PLEKHG1: variants seen among roughly 807,000 people sequenced by gnomAD.
The protein encoded by PLEKHG1 is pleckstrin homology domain-containing family G member 1.
In PLEKHG1, 44 loss-of-function variants were observed where a neutral mutation model predicts 100.8. The observed-to-expected ratio is 0.44, with a 90% CI of 0.34 to 0.56. The LOEUF is 0.56. Ranked by LOEUF, PLEKHG1 falls within the 20% of genes least tolerant of loss-of-function variation. The probability of loss-of-function intolerance (pLI) is 0.01; values close to 1 mark genes in which losing one functional copy is unlikely to be tolerated. For synonymous variants in PLEKHG1, 640 were observed against 662.5 expected (o/e 0.97, Z 0.52); for missense variants, 1,545 against 1,720.9 (o/e 0.90, Z 1.81).
At chr6:150,715,851 G>A (rs1452936438) in intron 3 of PLEKHG1, among the ~76,000 whole-genome samples, 2 of 148,244 alleles carry the variant, frequency 1.3e-5, no homozygotes, top group Non-Finnish European at 1.5e-5. Context: ...GCTCACGCCT[G>A]TAATCCCAGC....
exon 16 of PLEKHG1, chr6:150,843,325 G>T (rs953355296): frequency 2.8e-4 from 42 of 151,996 alleles, no homozygotes; most frequent in Admixed American, 8.5e-4. Context: ...CATTTCTGTT[G>T]GCCAGGACAC....
At chr6:150,761,194 C>T (rs1784143785) in intron 2 of PLEKHG1, among the ~76,000 whole-genome samples, 1 of 150,470 alleles carries the variant, frequency 6.6e-6, no homozygotes, top group African/African-American at 2.5e-5. Flanking sequence ...CAACCTCCAC[C>T]TCCTGGGTTC....
chr6:150,798,950 A>G (rs1314110089), intron 5 of PLEKHG1, among the ~76,000 whole-genome samples: 1 of 152,140 alleles, frequency 6.6e-6, no homozygotes. Context: ...CATGTTGGCC[A>G]GGCTGGTCTC....
At chr6:150,728,954 C>T (rs1782099865) in intron 1 of PLEKHG1, among the ~76,000 whole-genome samples, 1 of 152,106 alleles carries the variant, frequency 6.6e-6, no homozygotes. Flanking sequence ...AGATATTTAA[C>T]CTAATCCAAA....
chr6:150,799,162 G>T (rs1786545172), intron 5 of PLEKHG1, among the ~76,000 whole-genome samples: 1 of 152,082 alleles, frequency 6.6e-6, no homozygotes, highest in South Asian at 2.1e-4. Flanking sequence ...CAATTGTGTG[G>T]TTTTCATATT....
chr6:150,806,976 CA>C (rs1787154860), intron 7 of PLEKHG1, among the ~76,000 whole-genome samples: 1 of 152,088 alleles, frequency 6.6e-6, no homozygotes, highest in African/African-American at 2.4e-5. Context: ...CCCCTTTGTC[CA>C]GTGTATCCAC....
At chr6:150,713,695 C>A (rs1211361482) in intron 3 of PLEKHG1, among the ~76,000 whole-genome samples, 2 of 152,140 alleles carry the variant, frequency 1.3e-5, no homozygotes, top group Non-Finnish European at 2.9e-5. Context: ...AGCTACACTC[C>A]CTCCTCTGCT....
chr6:150,618,727 C>T (rs1232650924), intron 1 of PLEKHG1, among the ~76,000 whole-genome samples: 1 of 152,048 alleles, frequency 6.6e-6, no homozygotes, highest in African/African-American at 2.4e-5. Context: ...ACCTGGCTTA[C>T]AAAATTTCTG....
chr6:150,659,198 C>T (rs767066609), intron 3 of PLEKHG1, among the ~76,000 whole-genome samples: 1 of 152,164 alleles, frequency 6.6e-6, no homozygotes, highest in African/African-American at 2.4e-5. Flanking sequence ...GTCCACCAGG[C>T]TGGTCTACTC....
chr6:150,734,087 G>A (rs778138794), exon 2 of PLEKHG1: 12 of 1,607,556 alleles, frequency 7.5e-6, no homozygotes, highest in South Asian at 2.2e-5. Context: ...AAAAAGCATC[G>A]TAGAGGTAAG....
chr6:150,721,299 C>T (rs1176034954), intron 1 of PLEKHG1: 7 of 336,308 alleles, frequency 2.1e-5, no homozygotes, highest in East Asian at 1.7e-4. Flanking sequence ...GAGAAGGGGT[C>T]GCAGGGGGGG....
chr6:150,765,974 G>T (rs1464652562), intron 2 of PLEKHG1, among the ~76,000 whole-genome samples: 3 of 152,136 alleles, frequency 2.0e-5, no homozygotes, highest in Non-Finnish European at 4.4e-5. Context: ...GATCTACTTG[G>T]ATATCTACTT....
At chr6:150,814,181 T>G (rs1787721661) in intron 10 of PLEKHG1, among the ~76,000 whole-genome samples, 1 of 152,214 alleles carries the variant, frequency 6.6e-6, no homozygotes, top group Non-Finnish European at 1.5e-5. Flanking sequence ...TTAGTCATTT[T>G]GTTGCTGGCC....
chr6:150,709,784 CGTTT>C (rs774105763), intron 3 of PLEKHG1, among the ~76,000 whole-genome samples: 4 of 151,904 alleles, frequency 2.6e-5, no homozygotes, highest in African/African-American at 4.8e-5. Context: ...ATGGTGTTTT[CGTTT>C]GTTTGTTTGT....
At chr6:150,780,787 G>C (rs1785265009) in intron 3 of PLEKHG1, among the ~76,000 whole-genome samples, 1 of 152,150 alleles carries the variant, frequency 6.6e-6, no homozygotes, top group African/African-American at 2.4e-5. Flanking sequence ...GTTGGCCGAA[G>C]ATTCATTTGA....
chr6:150,628,347 A>G (rs1777584309), intron 1 of PLEKHG1, among the ~76,000 whole-genome samples: 1 of 152,142 alleles, frequency 6.6e-6, no homozygotes, highest in Non-Finnish European at 1.5e-5. Context: ...TTTTCTTGGT[A>G]TAAATTTCAA....
chr6:150,765,294 A>C (rs1195039731), intron 2 of PLEKHG1, among the ~76,000 whole-genome samples: 4 of 152,036 alleles, frequency 2.6e-5, no homozygotes, highest in Non-Finnish European at 4.4e-5. Context: ...GGAGTTTGAG[A>C]CCAGCCTAGC....
At chr6:150,760,835 A>G (rs1229771592) in intron 2 of PLEKHG1, among the ~76,000 whole-genome samples, 1 of 152,072 alleles carries the variant, frequency 6.6e-6, no homozygotes, top group Non-Finnish European at 1.5e-5. Context: ...GGAAACTGCA[A>G]TTTCGAAAAT....
At chr6:150,684,434 T>C (rs1582939444) in intron 3 of PLEKHG1, among the ~76,000 whole-genome samples, 1 of 152,190 alleles carries the variant, frequency 6.6e-6, no homozygotes, top group African/African-American at 2.4e-5. Context: ...TGGGGACTAG[T>C]ATTTGAAATT....
Sources: gnomAD v4.1 joint callset for allele counts (sites outside exome capture counted in the v4.1 genomes callset) on GRCh38, gnomAD v4.1.1 for gene constraint, MANE v1.5 for transcripts, NCBI Gene and HGNC (gene_info 2026-07-23, HGNC 2026-07-21) for gene names.